The following LPCAT4 variants were observed in gnomAD, a reference collection of about 807,000 sequenced individuals.
The protein encoded by LPCAT4 is lysophosphatidylcholine acyltransferase 4.
Under a neutral mutation model 66.5 loss-of-function variants are expected in LPCAT4, and 30 were observed. The ratio of observed to expected loss-of-function variants is 0.45; its 90% CI spans 0.34 to 0.61. The LOEUF (loss-of-function observed/expected upper bound fraction) is 0.61, where lower values mean the gene tolerates loss of function less well. Among genes scored for constraint, LPCAT4 ranks in the 20% least tolerant of loss-of-function variants. The probability of loss-of-function intolerance (pLI) is 0.01; values close to 1 mark genes in which losing one functional copy is unlikely to be tolerated. For synonymous variants in LPCAT4, 253 were observed against 262.1 expected (o/e 0.97, Z 0.34); for missense variants, 557 against 656.7 (o/e 0.85, Z 1.66).
intron 10 of LPCAT4, among the ~76,000 whole-genome samples, chr15:34,361,899 A>G (rs1258457341): frequency 1.3e-5 from 2 of 152,224 alleles, no homozygotes; most frequent in Non-Finnish European, 2.9e-5. Context: ...GGGTTTTGCC[A>G]TGTTGGTCAG....
chr15:34,365,424 CT>C, intron 2 of LPCAT4, 134 bp downstream of exon 2: 2 of 1,317,748 alleles, frequency 1.5e-6, no homozygotes, highest in Non-Finnish European at 2.1e-6. Flanking sequence ...CACGTCTGAG[CT>C]TGGCTGACTC....
rs1287139102 is a variant in LPCAT4, at chr15:34,365,690, C to A, written c.126G>T (p.Leu42=). 1.4e-5 allele frequency: 22 copies of A among 1,613,878 alleles called. No individual in the cohort carries two copies. The highest frequency in any genetic ancestry group is 1.8e-5 in the Non-Finnish European group (21 of 1,179,980). Residue 42 remains leucine, a synonymous_variant, in exon 2 of 14, where the codon CTG becomes CTT. Transcript: ENST00000314891. ...CTCGGATGGGGGCCAGCAATGCCCC[C>A]AGGAGGCAGAACTGCAAAGGGTGGG... ...SRLQRVKFCL[L]GALLAPIRVL...
In LPCAT4 at chr15:34,361,527, G is replaced by A. The variant is rs971066311; in HGVS notation, c.1016C>T (p.Ser339Phe). ...LGKVLRKAGLSAGYVDAGAEP... is the reference protein window; with the variant it reads ...LGKVLRKAGLFAGYVDAGAEP... Reference sequence around the variant, plus strand: ...TGCCCCAGCGTCCACATAGCCAGCGGACAGCCTACGATGGAATTGTTGAAG... The same window carrying A: ...TGCCCCAGCGTCCACATAGCCAGCGAACAGCCTACGATGGAATTGTTGAAG... Residue 339 changes from serine to phenylalanine, a missense_variant, in exon 11 of 14, where the codon TCC (serine) becomes TTC (phenylalanine). Around this residue, in one of 4 missense-constraint regions of LPCAT4, gnomAD observed 392 missense variants for 473.9 expected, o/e 0.83. Coordinates refer to ENST00000314891, the MANE Select transcript of LPCAT4 (RefSeq NM_153613.3). 1 of 1,613,356 alleles carries A rather than the reference G, an allele frequency of 6.2e-7. No individual in the cohort carries two copies. The highest frequency in any genetic ancestry group is 8.5e-7 in the Non-Finnish European group (1 of 1,180,032).
rs762044434 is a variant in LPCAT4, at chr15:34,362,643, A to G, written c.814T>C (p.Tyr272His). 27 of 1,596,840 alleles carry G rather than the reference A, an allele frequency of 1.7e-5. No individual in the cohort carries two copies. The highest frequency in any genetic ancestry group is 2.2e-5 in the Non-Finnish European group (26 of 1,170,004). The change falls in exon 9 of 14, where the codon TAT (tyrosine) becomes CAT (histidine). Residue 272 changes from tyrosine (Y) to histidine (H), a missense_variant. Tyr to His is a moderately conservative substitution (Grantham distance 83, BLOSUM62 2). This residue lies in a region of LPCAT4 where 392 missense variants were observed against 473.9 expected (regional missense o/e 0.83). Transcript: ENST00000314891. Reference protein sequence around the residue: ...SIVDVEFLPVYHPSPEESRDP... With the variant: ...SIVDVEFLPVHHPSPEESRDP... ...CTGCTCTCCTCAGGGCTGGGGTGAT[A>G]CACAGGAAGGAACTGAAACACAGAC...
chr15:34,367,169 G>C lies in LPCAT4; in HGVS notation c.-69C>G. On this transcript the variant is annotated 5_prime_UTR_variant, in exon 1 of 14. Transcript: ENST00000314891. ...GCCACCACTCTGCAGAGCAGCTGCT[G>C]CTGCAGCAGCGGCGGCGGCGGCGCT... 2 of 1,300,332 alleles carry C rather than the reference G, an allele frequency of 1.5e-6. No homozygotes were observed. The highest frequency in any genetic ancestry group is 2.0e-6 in the Non-Finnish European group (2 of 1,009,790). The allele number at this position is 1,300,332 out of a possible 1,614,324, so 80.5% of individuals were successfully genotyped here.
chr15:34,361,356 G>C (rs763968604), intron 11 of LPCAT4, 44 bp downstream of exon 11: 8 of 1,611,608 alleles, frequency 5.0e-6, no homozygotes, highest in Middle Eastern at 1.7e-4. Context: ...TCAGCCTGGA[G>C]GGAAGCCTGG....
Position 34,362,317 on chromosome 15 carries a change from G to A in LPCAT4, c.889C>T (p.Leu297=). Residue 297 remains leucine, a synonymous_variant, in exon 10 of 14, where the codon CTG becomes TTG. Coordinates refer to ENST00000314891, the MANE Select transcript of LPCAT4 (RefSeq NM_153613.3). ...NNVQRVMAQA[L]GIPATECEFV... ...TCACATTCGGTGGCTGGAATGCCCA[G>A]AGCCCTACAGGATGAAGAGGGATGG... is the stretch of plus-strand genomic sequence containing the variant. 1 of 1,614,122 alleles carries A rather than the reference G, an allele frequency of 6.2e-7. No homozygotes were observed. The highest frequency in any genetic ancestry group is 8.5e-7 in the Non-Finnish European group (1 of 1,180,032).
At position 34,366,968 on chromosome 15, in the gene LPCAT4, C is replaced by G; in HGVS notation, c.114+19G>C. The G allele has an allele frequency of 6.5e-7, 1 of 1,548,682 alleles. No individual in the cohort carries two copies. Among genetic ancestry groups the G allele is most frequent in the Non-Finnish European group, 8.7e-7 (1 of 1,143,978 alleles). On this transcript the variant is annotated intron_variant, in intron 1 of 13. Transcript: ENST00000314891. ...CCTATCCTCACGGGTCCTTCCGACGCCCGCTCCCCACACATTACCTTAACC... is the reference window on the plus strand; with the variant it reads ...CCTATCCTCACGGGTCCTTCCGACGGCCGCTCCCCACACATTACCTTAACC...
intron 11 of LPCAT4, 71 bp from the exon 12 acceptor site, chr15:34,360,280 C>A: frequency 8.5e-7 from 1 of 1,177,872 alleles, no homozygotes; most frequent in Non-Finnish European, 1.3e-6. Context: ...GATTTTGACT[C>A]CTCCCTCTTC....
chr15:34,366,722 C>T (rs562787708), intron 1 of LPCAT4, among the ~76,000 whole-genome samples: 2 of 151,840 alleles, frequency 1.3e-5, no homozygotes, highest in South Asian at 2.1e-4. Context: ...TCTCTCCAAC[C>T]CCAGGGTCCC....
At chr15:34,360,278 C>G in intron 11 of LPCAT4, 69 bp from the exon 12 acceptor site, 1 of 1,204,034 alleles carries the variant, frequency 8.3e-7, no homozygotes, top group Middle Eastern at 1.9e-4. Flanking sequence ...TGGATTTTGA[C>G]TCCTCCCTCT....
At chr15:34,365,833 G>T in intron 1 of LPCAT4, 132 bp from the exon 2 acceptor site, 1 of 1,114,546 alleles carries the variant, frequency 9.0e-7, no homozygotes, top group Non-Finnish European at 1.3e-6. Flanking sequence ...TGTGGGAACA[G>T]GAGAGGGGAC....
intron 3 of LPCAT4, chr15:34,364,606 T>TA (rs1555395816): frequency 2.4e-5 from 6 of 249,718 alleles, no homozygotes; most frequent in Non-Finnish European, 4.6e-5. Context: ...TTTTTTTTTT[T>TA]ACGCCCGGCT....
intron 3 of LPCAT4, chr15:34,364,674 G>C (rs540689628): frequency 1.1e-5 from 3 of 278,624 alleles, no homozygotes; most frequent in South Asian, 1.3e-4. Context: ...GGCTGGTCTC[G>C]AACTCCCGAC....
intron 9 of LPCAT4, 44 bp downstream of exon 9, chr15:34,362,529 T>C (rs1423726091): frequency 1.3e-6 from 2 of 1,517,648 alleles, no homozygotes; most frequent in Admixed American, 4.2e-5. Flanking sequence ...GTGGTTCCTT[T>C]GCCCTGTGCA....
rs758100078 is a variant in LPCAT4, at chr15:34,359,570, T to A, written c.1399+19A>T. Reference sequence around the variant, plus strand: ...GGTGCCCCAAGTGCCCGTGTGGGGCTGAGAAGGCAGTGACTCACAGAGGGA... The same window carrying A: ...GGTGCCCCAAGTGCCCGTGTGGGGCAGAGAAGGCAGTGACTCACAGAGGGA... On this transcript the variant is annotated intron_variant, in intron 13 of 13. Transcript: ENST00000314891. The A allele has an allele frequency of 5.0e-6, 8 of 1,608,474 alleles. No homozygotes were observed. Among genetic ancestry groups the A allele is most frequent in the Non-Finnish European group, 6.8e-6 (8 of 1,177,952 alleles).
Position 34,365,686 on chromosome 15 carries a change from C to G in LPCAT4, c.130G>C (p.Ala44Pro). 6.2e-7 allele frequency: 1 copy of G among 1,613,852 alleles called. No homozygotes were observed. The highest frequency in any genetic ancestry group is 8.5e-7 in the Non-Finnish European group (1 of 1,179,948). ...LQRVKFCLLG[A>P]LLAPIRVLLA... ...AGCACTCGGATGGGGGCCAGCAATG[C>G]CCCCAGGAGGCAGAACTGCAAAGGG... The change falls in exon 2 of 14, where the codon GCA becomes CCA. Residue 44 changes from alanine (A) to proline (P), a missense_variant. Physicochemically the swap from Ala to Pro is conservative, Grantham distance 27. Transcript: ENST00000314891.
Position 34,359,303 on chromosome 15 carries a change from C to T in LPCAT4, c.1400-1G>A. 1 of 1,501,994 alleles carries T rather than the reference C, an allele frequency of 6.7e-7. No individual in the cohort carries two copies. Among genetic ancestry groups the T allele is most frequent in the Non-Finnish European group, 8.9e-7 (1 of 1,126,712 alleles). The allele number at this position is 1,501,994 out of a possible 1,614,324, so 93.0% of individuals were successfully genotyped here. A position where few individuals can be genotyped will look rare whatever the true frequency, so the allele number is the denominator to read the frequency against. On this transcript the variant is annotated splice_acceptor_variant, in intron 13 of 13. Transcript: ENST00000314891. LOFTEE classifies it high-confidence loss of function. ...TGGAGGGAGAAGTTCTGGAACTGAC[C>T]TGGACAAATAAGAGATGGGGAAAAG... is the stretch of plus-strand genomic sequence containing the variant.
chr15:34,359,879 T>C (rs1351843424), intron 12 of LPCAT4, 134 bp from the exon 13 acceptor site: 14 of 939,652 alleles, frequency 1.5e-5, no homozygotes, highest in Non-Finnish European at 2.1e-5. Flanking sequence ...TCCAGTGCCC[T>C]TTCTGCAGAA....
Sources: allele counts gnomAD v4.1 joint callset (sites outside exome capture counted in the v4.1 genomes callset), GRCh38; gene constraint gnomAD v4.1.1; regional missense constraint gnomAD v4.1.1; transcripts MANE v1.5; gene names NCBI Gene and HGNC (gene_info 2026-07-23, HGNC 2026-07-21).